The following TBC1D22A variants were observed in gnomAD, a reference collection of about 807,000 sequenced individuals.
The protein encoded by TBC1D22A is putative GTPase activator.
In TBC1D22A, 38 loss-of-function variants were observed where a neutral mutation model predicts 60.2. The ratio of observed to expected loss-of-function variants is 0.63; its 90% CI spans 0.49 to 0.83. The LOEUF is 0.83. Among genes scored for constraint, TBC1D22A ranks in the 40% least tolerant of loss-of-function variants. The pLI is 0.00. For synonymous variants in TBC1D22A, 302 were observed against 281.7 expected (o/e 1.07, Z -0.72); for missense variants, 628 against 701.0 (o/e 0.90, Z 1.18).
chr22:47,170,575 A>G (rs188516021), intron 12 of TBC1D22A, among the ~76,000 whole-genome samples: 2 of 152,344 alleles, frequency 1.3e-5, no homozygotes, highest in East Asian at 1.9e-4. Context: ...GTGGAAGCCC[A>G]GCAACTGCGA....
chr22:46,904,148 TACCTACCTACCTACCTAC>T (rs2069261920), intron 7 of TBC1D22A, among the ~76,000 whole-genome samples: 1 of 122,408 alleles, frequency 8.2e-6, no homozygotes, highest in African/African-American at 3.1e-5. Context: ...TCTATCTACC[TACCTACCTACCTACCTAC>T]CTACCTACCA....
At chr22:47,115,219 G>A (rs944168506) in intron 12 of TBC1D22A, among the ~76,000 whole-genome samples, 1 of 152,138 alleles carries the variant, frequency 6.6e-6, no homozygotes, top group African/African-American at 2.4e-5. Flanking sequence ...CACCTCCCCT[G>A]CCAGAGCTTG....
At chr22:46,800,019 C>T (rs181474047) in intron 4 of TBC1D22A, among the ~76,000 whole-genome samples, 22 of 152,216 alleles carry the variant, frequency 1.4e-4, no homozygotes, top group Admixed American at 3.3e-4. Context: ...TCCCCTTGCA[C>T]GGCAAGGCAG....
chr22:46,770,640 G>T (rs1231569819), intron 1 of TBC1D22A, among the ~76,000 whole-genome samples: 1 of 152,210 alleles, frequency 6.6e-6, no homozygotes, highest in Non-Finnish European at 1.5e-5. Context: ...TAAACCCAGG[G>T]GACTGAAGTC....
chr22:46,984,341 G>A (rs1009704477), intron 9 of TBC1D22A, among the ~76,000 whole-genome samples: 4 of 121,416 alleles, frequency 3.3e-5, no homozygotes, highest in African/African-American at 9.7e-5. Flanking sequence ...CCCTCCAGCC[G>A]GGGCGACAGA....
intron 4 of TBC1D22A, among the ~76,000 whole-genome samples, chr22:46,808,873 C>T (rs1294020603): frequency 6.6e-6 from 1 of 152,234 alleles, no homozygotes; most frequent in Non-Finnish European, 1.5e-5. Context: ...GGATTACAGG[C>T]GTGAGCCACC....
At chr22:46,997,816 C>A in intron 10 of TBC1D22A, 107 bp downstream of exon 10, 2 of 920,442 alleles carry the variant, frequency 2.2e-6, no homozygotes, top group Non-Finnish European at 3.4e-6. Flanking sequence ...TCCTGGCCTG[C>A]TCAGGATCCC....
intron 4 of TBC1D22A, among the ~76,000 whole-genome samples, chr22:46,812,647 T>C (rs1403398457): frequency 6.6e-6 from 1 of 152,202 alleles, no homozygotes; most frequent in Admixed American, 6.5e-5. Flanking sequence ...TGAAGTTGAT[T>C]GAGGAATTGG....
At chr22:46,880,779 A>AGG (rs1174503470) in intron 5 of TBC1D22A, among the ~76,000 whole-genome samples, 5 of 152,090 alleles carry the variant, frequency 3.3e-5, no homozygotes, top group African/African-American at 1.2e-4. Context: ...CAGGTGGGGA[A>AGG]GGAGGGGAGG....
intron 6 of TBC1D22A, among the ~76,000 whole-genome samples, chr22:46,892,000 A>T (rs947713028): frequency 1.3e-5 from 2 of 152,260 alleles, no homozygotes; most frequent in African/African-American, 4.8e-5. Flanking sequence ...GATGATGTAC[A>T]TAATGGGAAA....
intron 8 of TBC1D22A, among the ~76,000 whole-genome samples, chr22:46,950,392 A>G (rs2072826551): frequency 6.6e-6 from 1 of 152,094 alleles, no homozygotes; most frequent in East Asian, 1.9e-4. Context: ...GCACATCCTA[A>G]TCATTCAACA....
At chr22:47,159,566 T>TACAC (rs140709409) in intron 12 of TBC1D22A, among the ~76,000 whole-genome samples, 7 of 149,190 alleles carry the variant, frequency 4.7e-5, no homozygotes, top group Non-Finnish European at 1.0e-4. Context: ...ACACACACAC[T>TACAC]ACACACACAC....
At chr22:47,132,964 C>T (rs2066731811) in intron 12 of TBC1D22A, among the ~76,000 whole-genome samples, 1 of 152,162 alleles carries the variant, frequency 6.6e-6, no homozygotes, top group African/African-American at 2.4e-5. Flanking sequence ...CCGAAGGGCT[C>T]ACTTGGATGT....
rs528466758 is a variant in TBC1D22A at position 47,067,413 on chromosome 22, G to A, written c.1329+30215G>A. On this transcript the variant is annotated intron_variant, in intron 11 of 12. Transcript: ENST00000337137. ...ACCTCTATTCATCCCGGTAATGAAG[G>A]GGCGACTGCTCAGGAGAAAAGCCAG... 5.2e-4 allele frequency among the ~76,000 whole-genome samples: 79 copies of A among 152,336 alleles called. 1 individual carries two copies. Among genetic ancestry groups the A allele is most frequent in the African/African-American group, 1.9e-3 (79 of 41,566 alleles).
At chr22:47,064,922 A>C (rs1023116483) in intron 11 of TBC1D22A, among the ~76,000 whole-genome samples, 1 of 152,228 alleles carries the variant, frequency 6.6e-6, no homozygotes, top group Non-Finnish European at 1.5e-5. Context: ...TTGTCATTAT[A>C]AAGAGGCAGT....
intron 8 of TBC1D22A, among the ~76,000 whole-genome samples, chr22:46,919,631 A>G (rs2070613886): frequency 6.6e-6 from 1 of 151,738 alleles, no homozygotes; most frequent in African/African-American, 2.4e-5. Context: ...ACGTGGCGGC[A>G]CCATTTTCCC....
At chr22:47,158,444 A>G (rs976292602) in intron 12 of TBC1D22A, among the ~76,000 whole-genome samples, 1 of 152,150 alleles carries the variant, frequency 6.6e-6, no homozygotes, top group Non-Finnish European at 1.5e-5. Flanking sequence ...GGGCGGAGAG[A>G]GGCAGCAGTC....
At chr22:46,931,630 C>T (rs2071359175) in intron 8 of TBC1D22A, among the ~76,000 whole-genome samples, 2 of 152,184 alleles carry the variant, frequency 1.3e-5, no homozygotes, top group African/African-American at 4.8e-5. Context: ...GGTTGGGAGG[C>T]GGCACCTTTG....
At chr22:47,013,180 G>T (rs2061807137) in intron 10 of TBC1D22A, among the ~76,000 whole-genome samples, 3 of 152,194 alleles carry the variant, frequency 2.0e-5, no homozygotes, top group Admixed American at 2.0e-4. Context: ...AGTGGGAACA[G>T]CCAAATTGCG....
Sources: gnomAD v4.1 joint callset for allele counts (sites outside exome capture counted in the v4.1 genomes callset) on GRCh38, gnomAD v4.1.1 for gene constraint, MANE v1.5 for transcripts, NCBI Gene and HGNC (gene_info 2026-07-23, HGNC 2026-07-21) for gene names.